The following CCSER1 variants were observed in gnomAD, a reference collection of about 807,000 sequenced individuals.
CCSER1 encodes coiled-coil serine rich protein 1.
Under a neutral mutation model 82.0 loss-of-function variants are expected in CCSER1, and 41 were observed. That is an observed-to-expected ratio of 0.50 (90% CI 0.39 to 0.65). CCSER1 has a LOEUF of 0.65. CCSER1 is among the 30% of genes least tolerant of loss of function. The pLI, the probability that CCSER1 is intolerant of heterozygous loss-of-function variation, is 0.00. For missense variants in CCSER1, 1,119 were observed against 1,064.2 expected (o/e 1.05, Z -0.72); for synonymous variants, 414 against 383.9 (o/e 1.08, Z -0.92).
intron 1 of CCSER1, among the ~76,000 whole-genome samples, chr4:90,182,647 T>C (rs1325711410): frequency 1.3e-5 from 2 of 152,136 alleles, no homozygotes; most frequent in Non-Finnish European, 1.5e-5. Flanking sequence ...TTTTGTATCA[T>C]TGAATAATTT....
chr4:91,157,090 C>T (rs1172818982), intron 10 of CCSER1, among the ~76,000 whole-genome samples: 1 of 151,862 alleles, frequency 6.6e-6, no homozygotes, highest in African/African-American at 2.4e-5. Context: ...GTGCAGTTAA[C>T]CTAACACTAG....
chr4:90,812,561 T>C (rs2149750031), intron 7 of CCSER1, among the ~76,000 whole-genome samples: 1 of 152,204 alleles, frequency 6.6e-6, no homozygotes, highest in South Asian at 2.1e-4. Context: ...TGGATATTGG[T>C]TTGAGAATTA....
intron 7 of CCSER1, among the ~76,000 whole-genome samples, chr4:90,747,138 A>G (rs1747615028): frequency 6.6e-6 from 1 of 152,126 alleles, no homozygotes. Flanking sequence ...AAAAGAGAGA[A>G]AAACTATGAG....
In CCSER1 at chr4:91,599,706, CA is replaced by C. The variant is rs1333402679; in HGVS notation, c.*650del. On this transcript the variant is annotated 3_prime_UTR_variant, in exon 11 of 11. Coordinates refer to ENST00000509176, the MANE Select transcript of CCSER1 (RefSeq NM_001145065.2). ...ATACTAGTTCACAAAGGATTTCAGA[CA>C]GAGTAATTGCTAGCCAAATAGAGAA... is the stretch of plus-strand genomic sequence containing the variant. 6.6e-6 allele frequency: 1 copy of C among 151,952 alleles called. No homozygotes were observed. Among genetic ancestry groups the C allele is most frequent in the Non-Finnish European group, 1.5e-5 (1 of 67,970 alleles). 9.4% of individuals were successfully genotyped at this position (151,952 alleles called of 1,614,324 possible).
At chr4:91,550,715 A>G (rs1211955361) in intron 10 of CCSER1, among the ~76,000 whole-genome samples, 1 of 152,168 alleles carries the variant, frequency 6.6e-6, no homozygotes, top group African/African-American at 2.4e-5. Flanking sequence ...TAGTGCCTGG[A>G]GCAGAATTGG....
chr4:91,405,022 G>A (rs537656596), intron 10 of CCSER1, among the ~76,000 whole-genome samples: 1 of 152,226 alleles, frequency 6.6e-6, no homozygotes, highest in Non-Finnish European at 1.5e-5. Flanking sequence ...ATTATTGTGT[G>A]GGAGTGTAAG....
chr4:90,904,190 G>A (rs946076246), intron 8 of CCSER1, among the ~76,000 whole-genome samples: 4 of 151,920 alleles, frequency 2.6e-5, no homozygotes, highest in Non-Finnish European at 4.4e-5. Flanking sequence ...TAAACTAAAC[G>A]GAAATTTATC....
At chr4:90,836,717 C>T (rs1761851373) in intron 8 of CCSER1, among the ~76,000 whole-genome samples, 1 of 152,112 alleles carries the variant, frequency 6.6e-6, no homozygotes, top group South Asian at 2.1e-4. Flanking sequence ...TCTTGGAAGC[C>T]CACACTACCT....
intron 4 of CCSER1, among the ~76,000 whole-genome samples, chr4:90,445,371 C>G (rs1443501889): frequency 1.3e-5 from 2 of 151,996 alleles, no homozygotes; most frequent in Non-Finnish European, 2.9e-5. Flanking sequence ...AATGGTATTT[C>G]AACAAATACT....
rs188842751 is a variant in CCSER1, at chr4:90,755,563, A to G, written c.2010+31572A>G. On this transcript the variant is annotated intron_variant, in intron 7 of 10. Coordinates refer to ENST00000509176, the MANE Select transcript of CCSER1 (RefSeq NM_001145065.2). ...TCTTGTGTCCTCTGCACTTCTACAG[A>G]TATTTTAAAAACAAGAAAAATGAAC... 3.0e-4 allele frequency among the ~76,000 whole-genome samples: 46 copies of G among 152,320 alleles called. No individual in the cohort carries two copies. In the East Asian group the frequency reaches 8.7e-3, roughly 29 times the overall value.
chr4:90,744,915 G>T (rs543758970), intron 7 of CCSER1, among the ~76,000 whole-genome samples: 17 of 151,712 alleles, frequency 1.1e-4, no homozygotes, highest in African/African-American at 4.1e-4. Context: ...TAGTGATCTA[G>T]ACTATCGTAA....
At chr4:91,595,943 T>TAAAAAAAAAAAAAAAAAAAAAAAACAA (rs1764551558) in intron 10 of CCSER1, among the ~76,000 whole-genome samples, 2 of 78,882 alleles carry the variant, frequency 2.5e-5, no homozygotes, top group Non-Finnish European at 4.7e-5. Context: ...ACAGAGAACT[T>TAAAAAAAAAAAAAAAAAAAAAAAACAA]AAAAAAAAAA....
At chr4:91,335,556 G>C (rs550199581) in intron 10 of CCSER1, among the ~76,000 whole-genome samples, 2 of 152,194 alleles carry the variant, frequency 1.3e-5, no homozygotes, top group African/African-American at 4.8e-5. Context: ...TTTTTCTCAC[G>C]GGGAGTGCAG....
At chr4:90,158,830 T>C (rs72876113) in intron 1 of CCSER1, among the ~76,000 whole-genome samples, 47,420 of 152,030 alleles carry the variant, frequency 0.31, 8,691 homozygotes, top group East Asian at 0.65. Flanking sequence ...TTGTGCTTCC[T>C]GAGTGAGGCA....
chr4:91,376,079 A>G (rs1750389106), intron 10 of CCSER1, among the ~76,000 whole-genome samples: 1 of 152,216 alleles, frequency 6.6e-6, no homozygotes, highest in Non-Finnish European at 1.5e-5. Context: ...TTAGATCAGC[A>G]GAAAAGTCCA....
intron 5 of CCSER1, among the ~76,000 whole-genome samples, chr4:90,534,240 C>T (rs562923882): frequency 2.7e-4 from 41 of 152,340 alleles, no homozygotes; most frequent in Non-Finnish European, 5.6e-4. Flanking sequence ...CGCCATTCTC[C>T]TGCCTCAGCC....
At chr4:91,096,854 C>G (rs970948708) in intron 10 of CCSER1, among the ~76,000 whole-genome samples, 1 of 152,134 alleles carries the variant, frequency 6.6e-6, no homozygotes, top group Non-Finnish European at 1.5e-5. Context: ...TATACCAAAA[C>G]AAAATCAGAG....
At chr4:90,745,827 C>G (rs988211638) in intron 7 of CCSER1, among the ~76,000 whole-genome samples, 1 of 151,488 alleles carries the variant, frequency 6.6e-6, no homozygotes, top group Non-Finnish European at 1.5e-5. Flanking sequence ...GTAGCTGGGA[C>G]TACAGGCGCC....
At chr4:90,260,595 A>G (rs1222527489) in intron 1 of CCSER1, among the ~76,000 whole-genome samples, 2 of 151,978 alleles carry the variant, frequency 1.3e-5, no homozygotes, top group African/African-American at 2.4e-5. Context: ...TCTGGTTTTC[A>G]TTTACATGGA....
Sources: allele counts gnomAD v4.1 joint callset (sites outside exome capture counted in the v4.1 genomes callset), GRCh38; gene constraint gnomAD v4.1.1; transcripts MANE v1.5; gene names NCBI Gene and HGNC (gene_info 2026-07-23, HGNC 2026-07-21).